The following TLK2 variants were observed in gnomAD, a reference collection of about 807,000 sequenced individuals.
TLK2 encodes tousled like kinase 2, also known as serine/threonine-protein kinase tousled-like 2.
TLK2 carries 6 observed loss-of-function variants against 117.3 expected under a neutral mutation model. The ratio of observed to expected loss-of-function variants is 0.05; its 90% CI spans 0.03 to 0.10. The LOEUF is 0.10. TLK2 is among the 10% of genes least tolerant of loss of function. The pLI, the probability that TLK2 is intolerant of heterozygous loss-of-function variation, is 1.00. For missense variants in TLK2, 299 were observed against 901.2 expected (o/e 0.33, Z 8.56); for synonymous variants, 257 against 316.7 (o/e 0.81, Z 2.00).
At chr17:62,539,387 A>G (rs1263990699) in intron 7 of TLK2, among the ~76,000 whole-genome samples, 3 of 150,506 alleles carry the variant, frequency 2.0e-5, no homozygotes, top group African/African-American at 4.9e-5. Flanking sequence ...TTTTCCTCAC[A>G]TTCTCTATCT....
chr17:62,526,179 T>C (rs1291975329), intron 6 of TLK2, among the ~76,000 whole-genome samples: 1 of 152,180 alleles, frequency 6.6e-6, no homozygotes, highest in African/African-American at 2.4e-5. Context: ...AGCTTAATCC[T>C]CCACCTTTTC....
intron 7 of TLK2, among the ~76,000 whole-genome samples, chr17:62,549,419 A>AGG (rs1555630561): frequency 1.3e-4 from 1 of 7,746 alleles, no homozygotes; most frequent in African/African-American, 2.1e-4. Context: ...AAAAAAAAAA[A>AGG]AAAAAAAAAA....
At chr17:62,571,888 CCGGGCA>C (rs200585367) in intron 11 of TLK2, among the ~76,000 whole-genome samples, 1,993 of 152,190 alleles carry the variant, frequency 0.013, 22 homozygotes, top group Middle Eastern at 0.051. Flanking sequence ...TTAGATTTTG[CCGGGCA>C]CGGTGGCTCA....
intron 1 of TLK2, among the ~76,000 whole-genome samples, chr17:62,479,657 C>T (rs191839520): frequency 2.6e-5 from 4 of 152,180 alleles, no homozygotes; most frequent in Non-Finnish European, 5.9e-5. Context: ...CGAGGGGCGC[C>T]GGGACCAGGC....
At chr17:62,565,871 A>G (rs2079744323) in intron 11 of TLK2, among the ~76,000 whole-genome samples, 1 of 152,196 alleles carries the variant, frequency 6.6e-6, no homozygotes, top group African/African-American at 2.4e-5. Flanking sequence ...GGTATAAAGC[A>G]GAATAAAACC....
intron 19 of TLK2, 135 bp downstream of exon 19, chr17:62,602,315 A>C: frequency 1.3e-6 from 1 of 773,356 alleles, no homozygotes; most frequent in Non-Finnish European, 1.9e-6. Flanking sequence ...TTTCTCCCCA[A>C]ATCATTACTG....
At chr17:62,531,811 A>G (rs1455406773) in intron 6 of TLK2, among the ~76,000 whole-genome samples, 1 of 152,160 alleles carries the variant, frequency 6.6e-6, no homozygotes, top group African/African-American at 2.4e-5. Context: ...GATTGTGTCA[A>G]CATTTCTCAA....
Position 62,602,172 on chromosome 17 carries a change from T to C in TLK2, c.1851T>C (p.Gly617=), listed in dbSNP as rs752426399. The C allele has an allele frequency of 6.2e-7, 1 of 1,613,618 alleles. No homozygotes were observed. ...DGMELTSQGA[G]TYWYLPPECF... is the part of the protein sequence containing the mutation. ...TGGAGCTAACATCACAAGGTGCTGG[T>C]ACTTATTGGTAGGTATCCAGGAGCT... The change falls in exon 19 of 22, where the codon GGT becomes GGC. Residue 617 remains glycine (G), a synonymous_variant. Transcript: ENST00000346027.
intron 14 of TLK2, 26 bp from the exon 15 acceptor site, chr17:62,580,085 G>T (rs2146765591): frequency 6.3e-7 from 1 of 1,597,200 alleles, no homozygotes; most frequent in East Asian, 2.2e-5. Flanking sequence ...TGATCTCAGG[G>T]TGTTACATGT....
upstream of TLK2, chr17:62,477,537 G>A (rs2144212557): frequency 6.6e-6 from 1 of 152,306 alleles, no homozygotes; most frequent in South Asian, 2.1e-4. Flanking sequence ...AGAGAAGAAC[G>A]AAGAAATAAG....
chr17:62,606,746 A>G (rs2083332258), intron 20 of TLK2, among the ~76,000 whole-genome samples: 1 of 152,190 alleles, frequency 6.6e-6, no homozygotes, highest in Admixed American at 6.5e-5. Flanking sequence ...ACATATTTCA[A>G]CAAGTGGTAA....
chr17:62,497,981 C>T (rs949165323), intron 2 of TLK2, among the ~76,000 whole-genome samples: 6 of 152,126 alleles, frequency 3.9e-5, no homozygotes, highest in African/African-American at 1.4e-4. Flanking sequence ...CAGGTGTGAG[C>T]CACCGTGCCC....
chr17:62,483,041 T>G (rs188615527), intron 2 of TLK2, among the ~76,000 whole-genome samples: 1 of 152,320 alleles, frequency 6.6e-6, no homozygotes, highest in Non-Finnish European at 1.5e-5. Flanking sequence ...TTTACAAATG[T>G]AAACTCTCTG....
chr17:62,554,876 C>CA lies in TLK2; in HGVS notation c.720+1136dup, dbSNP rs35726174. On this transcript the variant is annotated intron_variant, in intron 9 of 21. Transcript: ENST00000346027. ...TGGACAACAGAGCAAGACCCTGCCT[C>CA]AAAAAAAAAAAAAAATTATACATGC... is the stretch of plus-strand genomic sequence containing the variant. 3.8e-3 allele frequency among the ~76,000 whole-genome samples: 495 copies of CA among 131,950 alleles called. 4 individuals carry two copies. In the East Asian group the frequency reaches 0.039, roughly 10 times the overall value. 86.6% of individuals were successfully genotyped at this position (131,950 alleles called of 152,430 possible).
In TLK2 at chr17:62,496,737, C is replaced by T. The variant is rs576115480; in HGVS notation, c.81+15531C>T. 1.9e-3 allele frequency among the ~76,000 whole-genome samples: 295 copies of T among 152,020 alleles called. 1 individual carries two copies. Among genetic ancestry groups the T allele is most frequent in the Middle Eastern group, 0.014 (4 of 294 alleles). On this transcript the variant is annotated intron_variant, in intron 2 of 21. Transcript: ENST00000346027. The stretch of plus-strand genomic sequence containing the variant: ...TTGGGAGGCCAAGGCAGGTGGATCA[C>T]GAGGTCAGGAGATTGAGACCATCCT...
At chr17:62,516,184 C>T in intron 2 of TLK2, 1 of 580,970 alleles carries the variant, frequency 1.7e-6, no homozygotes, top group Non-Finnish European at 3.1e-6. Flanking sequence ...CTCGGCCTCC[C>T]AAAGTGCTGG....
chr17:62,575,978 C>T (rs1182663852), intron 12 of TLK2, among the ~76,000 whole-genome samples: 3 of 152,186 alleles, frequency 2.0e-5, no homozygotes, highest in African/African-American at 7.2e-5. Flanking sequence ...TACAGTGAGC[C>T]ACCAAGCCTG....
chr17:62,557,333 G>A (rs992166712), intron 9 of TLK2, among the ~76,000 whole-genome samples: 4 of 151,806 alleles, frequency 2.6e-5, no homozygotes, highest in Admixed American at 6.6e-5. Context: ...TAGATATCAC[G>A]TCTTTTTGCA....
At chr17:62,501,232 C>T (rs918384112) in intron 2 of TLK2, among the ~76,000 whole-genome samples, 3 of 151,468 alleles carry the variant, frequency 2.0e-5, no homozygotes, top group South Asian at 2.1e-4. Context: ...AGCAAGACTC[C>T]GTCTCAAAAG....
Sources: gnomAD v4.1 joint callset for allele counts (sites outside exome capture counted in the v4.1 genomes callset) on GRCh38, gnomAD v4.1.1 for gene constraint, MANE v1.5 for transcripts, NCBI Gene and HGNC (gene_info 2026-07-23, HGNC 2026-07-21) for gene names.